KCNG3: variants seen among roughly 807,000 people sequenced by gnomAD.
The protein encoded by KCNG3 is voltage-gated potassium channel regulatory subunit KCNG3.
KCNG3 carries 15 observed loss-of-function variants against 29.0 expected under a neutral mutation model. The observed-to-expected ratio is 0.52, with a 90% CI of 0.35 to 0.80. The LOEUF (loss-of-function observed/expected upper bound fraction) is 0.80, where lower values mean the gene tolerates loss of function less well. KCNG3 is among the 30% of genes least tolerant of loss of function. The pLI is 0.01. For missense variants in KCNG3, 512 were observed against 605.7 expected (o/e 0.85, Z 1.62); for synonymous variants, 322 against 248.9 (o/e 1.29, Z -2.76).
At chr2:42,437,571 G>A (rs1672396370), downstream of KCNG3, among the ~76,000 whole-genome samples, 1 of 152,084 alleles carries the variant, frequency 6.6e-6, no homozygotes, top group East Asian at 1.9e-4. Context: ...AGAGTGTATA[G>A]TATAAAAGCG....
chr2:42,400,028 G>C, the KCNG3 span, among the ~76,000 whole-genome samples: 1 of 152,314 alleles, frequency 6.6e-6, no homozygotes. Context: ...AGGATCGCTT[G>C]AGCCTGGAAG....
At chr2:42,436,773 T>C in the KCNG3 span, among the ~76,000 whole-genome samples, 2 of 152,350 alleles carry the variant, frequency 1.3e-5, no homozygotes, top group South Asian at 4.1e-4. Flanking sequence ...ACTTTCTTGG[T>C]TGACAAAATT....
At chr2:42,418,160 A>T in the KCNG3 span, among the ~76,000 whole-genome samples, 7 of 152,100 alleles carry the variant, frequency 4.6e-5, no homozygotes, top group Non-Finnish European at 1.0e-4. Context: ...GAAACTCTAT[A>T]GCCATCATAC....
chr2:42,426,224 G>C, the KCNG3 span, among the ~76,000 whole-genome samples: 1 of 152,200 alleles, frequency 6.6e-6, no homozygotes, highest in South Asian at 2.1e-4. Context: ...TGACCCAAAT[G>C]ACTGCATACT....
the KCNG3 span, among the ~76,000 whole-genome samples, chr2:42,428,934 C>T: frequency 1.3e-5 from 2 of 152,136 alleles, no homozygotes; most frequent in South Asian, 2.1e-4. Context: ...GCCTGGTCAA[C>T]ATGGTGAAGC....
chr2:42,399,026 T>C, the KCNG3 span, among the ~76,000 whole-genome samples: 20 of 151,632 alleles, frequency 1.3e-4, no homozygotes, highest in Middle Eastern at 3.4e-3. Context: ...TATTGGGTTG[T>C]TCTTTTTTTC....
chr2:42,415,717 T>C, the KCNG3 span, among the ~76,000 whole-genome samples: 10 of 151,494 alleles, frequency 6.6e-5, no homozygotes, highest in African/African-American at 2.4e-4. Context: ...GGTGACAGAG[T>C]AGACTCTGTC....
chr2:42,419,603 G>C, the KCNG3 span, among the ~76,000 whole-genome samples: 1 of 152,064 alleles, frequency 6.6e-6, no homozygotes, highest in Non-Finnish European at 1.5e-5. Context: ...TTAAGGAAGT[G>C]GAAACTGAAT....
At chr2:42,440,759 C>T (rs1020372281), downstream of KCNG3, among the ~76,000 whole-genome samples, 19 of 152,304 alleles carry the variant, frequency 1.2e-4, no homozygotes, top group Non-Finnish European at 2.4e-4. Context: ...AAGGACAATA[C>T]AGTAATGAAA....
chr2:42,404,805 G>GTA, the KCNG3 span, among the ~76,000 whole-genome samples: 1 of 152,136 alleles, frequency 6.6e-6, no homozygotes, highest in Admixed American at 6.5e-5. Context: ...CTGAGTTCAA[G>GTA]TATACACGGC....
intron 1 of KCNG3, among the ~76,000 whole-genome samples, chr2:42,460,387 T>A (rs773721211): frequency 3.9e-5 from 6 of 152,118 alleles, no homozygotes; most frequent in Non-Finnish European, 5.9e-5. Context: ...AATAATTAAA[T>A]CATTTCAAAA....
At chr2:42,452,243 A>ATATATATATATATATATATATATTTTT in intron 1 of KCNG3, among the ~76,000 whole-genome samples, 7 of 95,048 alleles carry the variant, frequency 7.4e-5, no homozygotes, top group East Asian at 9.2e-4. Flanking sequence ...ATATATATAT[A>ATATATATATATATATATATATATTTTT]TTTTTTTTTT....
the KCNG3 span, among the ~76,000 whole-genome samples, chr2:42,432,936 A>T: frequency 7.6e-4 from 8 of 10,594 alleles, no homozygotes; most frequent in African/African-American, 0.01. Context: ...TTTTATGATA[A>T]AAAAAAAAAA....
At chr2:42,427,991 T>C in the KCNG3 span, among the ~76,000 whole-genome samples, 2 of 152,312 alleles carry the variant, frequency 1.3e-5, no homozygotes, top group Middle Eastern at 6.8e-3. Flanking sequence ...GAAAATAATG[T>C]ACTCCAGATT....
the KCNG3 span, among the ~76,000 whole-genome samples, chr2:42,427,602 C>T: frequency 0.033 from 4,913 of 147,468 alleles, 100 homozygotes; most frequent in Non-Finnish European, 0.051. Flanking sequence ...GAGACCCTGT[C>T]TCAAAAAAAA....
At chr2:42,410,034 C>T in the KCNG3 span, among the ~76,000 whole-genome samples, 45 of 152,234 alleles carry the variant, frequency 3.0e-4, no homozygotes, top group South Asian at 3.3e-3. Context: ...TTTTCCCACC[C>T]CCTTCCCACA....
the KCNG3 span, among the ~76,000 whole-genome samples, chr2:42,428,011 G>C: frequency 6.6e-6 from 1 of 152,140 alleles, no homozygotes; most frequent in Admixed American, 6.5e-5. Flanking sequence ...TTATGCTCTA[G>C]TCCAAAGACT....
chr2:42,401,517 C>T, the KCNG3 span, among the ~76,000 whole-genome samples: 4 of 152,168 alleles, frequency 2.6e-5, no homozygotes, highest in South Asian at 6.2e-4. Context: ...TCACAGCTCA[C>T]TGCAGCCTCA....
At chr2:42,490,169 A>G (rs768521777) in intron 1 of KCNG3, among the ~76,000 whole-genome samples, 4 of 152,138 alleles carry the variant, frequency 2.6e-5, no homozygotes, top group Non-Finnish European at 4.4e-5. Flanking sequence ...CATAAACTTC[A>G]TATACAAGTT....
Sources: allele counts gnomAD v4.1 joint callset (sites outside exome capture counted in the v4.1 genomes callset), GRCh38; gene constraint gnomAD v4.1.1; transcripts MANE v1.5; gene names NCBI Gene and HGNC (gene_info 2026-07-23, HGNC 2026-07-21).